Variants in CTNNA2 observed in about 807,000 individuals in gnomAD.
CTNNA2 encodes the protein catenin alpha-2.
Under a neutral mutation model 101.0 loss-of-function variants are expected in CTNNA2, and 42 were observed. That is an observed-to-expected ratio of 0.42 (90% CI 0.32 to 0.54). The LOEUF is 0.54. Ranked by LOEUF, CTNNA2 falls within the 20% of genes least tolerant of loss-of-function variation. CTNNA2 has a pLI of 0.14. For synonymous variants in CTNNA2, 450 were observed against 456.4 expected, an observed-to-expected ratio of 0.99 and a Z score of 0.18; for missense variants, 871 against 1,223.1, an observed-to-expected ratio of 0.71 and a Z score of 4.29.
chr2:80,015,584 C>T (rs6753423), intron 7 of CTNNA2, among the ~76,000 whole-genome samples: 85,085 of 151,960 alleles, frequency 0.56, 26,099 homozygotes, highest in East Asian at 0.72. Flanking sequence ...GGATACGGGA[C>T]GTGGAATGGG....
chr2:80,468,471 A>G lies in CTNNA2; in HGVS notation c.1290+48870A>G, dbSNP rs1002128547. 2.0e-5 allele frequency among the ~76,000 whole-genome samples: 3 copies of G among 151,942 alleles called. No individual in the cohort carries two copies. In the East Asian group the frequency reaches 5.8e-4, roughly 29 times the overall value. Reference sequence around the variant, plus strand: ...CCTGGCTCTGTCACCCAGGCTAGAGAGCAGTGGTGCAATCTCGGCTCACTG... The same window carrying G: ...CCTGGCTCTGTCACCCAGGCTAGAGGGCAGTGGTGCAATCTCGGCTCACTG... On this transcript the variant is annotated intron_variant, in intron 9 of 18. Transcript: ENST00000402739.
chr2:80,496,990 A>C (rs553975845), intron 9 of CTNNA2, among the ~76,000 whole-genome samples: 1 of 152,286 alleles, frequency 6.6e-6, no homozygotes, highest in South Asian at 2.1e-4. Flanking sequence ...GAGAAGCATG[A>C]ACGAAGCGCC....
At chr2:80,315,031 G>GA (rs2149235716) in intron 7 of CTNNA2, among the ~76,000 whole-genome samples, 1 of 152,210 alleles carries the variant, frequency 6.6e-6, no homozygotes, top group East Asian at 1.9e-4. Flanking sequence ...TAAAACAAAG[G>GA]AAAAATGAGT....
Position 79,333,133 on chromosome 2 carries a change from T to A in CTNNA2, c.-318+20337T>A, listed in dbSNP as rs370455111. On this transcript the variant is annotated intron_variant, in intron 3 of 21. Coordinates refer to the CTNNA2 transcript ENST00000466387. ...GAATCATCAGAAATGTAAGTTGTTA[T>A]ACAGGGAGCAAACATTTAGAAATGA... Among the ~76,000 whole-genome samples the A allele has an allele frequency of 2.6e-5, 4 of 152,296 alleles. No homozygotes were observed. In the East Asian group the frequency reaches 7.7e-4, roughly 29 times the overall value.
chr2:79,238,868 A>G (rs147995265), intron 2 of CTNNA2, among the ~76,000 whole-genome samples: 4 of 152,340 alleles, frequency 2.6e-5, no homozygotes, highest in East Asian at 3.9e-4. Flanking sequence ...ATTTTTCACT[A>G]TGTACACTGC....
At chr2:79,525,898 G>A (rs1367758258) in intron 1 of CTNNA2, among the ~76,000 whole-genome samples, 1 of 151,870 alleles carries the variant, frequency 6.6e-6, no homozygotes, top group East Asian at 1.9e-4. Context: ...ACAACATATA[G>A]CTATTTTCTG....
At chr2:79,471,416 C>T (rs1356976743) in intron 4 of CTNNA2, among the ~76,000 whole-genome samples, 1 of 152,142 alleles carries the variant, frequency 6.6e-6, no homozygotes, top group Non-Finnish European at 1.5e-5. Flanking sequence ...GCCAACTTCT[C>T]CTTATATCCT....
chr2:79,771,157 A>G (rs529803825), intron 3 of CTNNA2, among the ~76,000 whole-genome samples: 4 of 152,178 alleles, frequency 2.6e-5, no homozygotes, highest in Non-Finnish European at 5.9e-5. Context: ...TACTTATTTT[A>G]AAACTTGATA....
At position 79,945,912 on chromosome 2, in the gene CTNNA2, C is replaced by A. The variant is rs1688461137; in HGVS notation, c.1056+36115C>A. On this transcript the variant is annotated intron_variant, in intron 7 of 18. Coordinates refer to ENST00000402739, the MANE Select transcript of CTNNA2 (RefSeq NM_001282597.3). ...ATGCTTGCTAAGACAGAGCTGCACA[C>A]ACGGTGCTATGGGAGCAGAAAACAT... 3.3e-5 allele frequency among the ~76,000 whole-genome samples: 5 copies of A among 152,204 alleles called. No individual in the cohort carries two copies. The South Asian group carries it at 1.0e-3, about 32-fold the overall frequency.
rs140239016 is a variant in CTNNA2, at chr2:79,552,915, A to C, written c.-6+39708A>C. ...GAGGGGCTGCCACAAAAGTCTTTGA[A>C]ATTCCTTCAAGGACTTTTCCCCATT... is the stretch of plus-strand genomic sequence containing the variant. On this transcript the variant is annotated intron_variant, in intron 1 of 18. Coordinates refer to ENST00000402739, the MANE Select transcript of CTNNA2 (RefSeq NM_001282597.3). 5.9e-3 allele frequency among the ~76,000 whole-genome samples: 899 copies of C among 152,318 alleles called. 10 individuals are homozygous for C. Among genetic ancestry groups the C allele is most frequent in the African/African-American group, 0.02 (843 of 41,590 alleles).
At chr2:79,775,466 T>A (rs2105168284) in intron 3 of CTNNA2, among the ~76,000 whole-genome samples, 1 of 152,322 alleles carries the variant, frequency 6.6e-6, no homozygotes, top group South Asian at 2.1e-4. Flanking sequence ...TAAAGCATTT[T>A]TTAAAATGTA....
At chr2:80,627,059 G>A (rs1393660518) in intron 18 of CTNNA2, among the ~76,000 whole-genome samples, 1 of 152,088 alleles carries the variant, frequency 6.6e-6, no homozygotes, top group East Asian at 1.9e-4. Context: ...TTTGTTTATG[G>A]CTGCATAGTA....
At chr2:79,401,428 G>A (rs758028962) in intron 4 of CTNNA2, among the ~76,000 whole-genome samples, 4 of 151,594 alleles carry the variant, frequency 2.6e-5, no homozygotes, top group Non-Finnish European at 5.9e-5. Flanking sequence ...GGCTTATAAT[G>A]CATAAAGATG....
At chr2:79,924,430 G>C (rs540278775) in intron 7 of CTNNA2, among the ~76,000 whole-genome samples, 3 of 152,188 alleles carry the variant, frequency 2.0e-5, no homozygotes, top group African/African-American at 7.2e-5. Flanking sequence ...GTTTGCTTCT[G>C]TTGTCTTTGT....
chr2:79,585,935 C>T (rs1270269874), intron 1 of CTNNA2, among the ~76,000 whole-genome samples: 2 of 152,108 alleles, frequency 1.3e-5, no homozygotes, highest in Admixed American at 6.6e-5. Flanking sequence ...GTCACAACCA[C>T]GCTTGGAGAA....
intron 4 of CTNNA2, among the ~76,000 whole-genome samples, chr2:79,476,821 A>G (rs1260156743): frequency 2.0e-5 from 3 of 152,226 alleles, no homozygotes; most frequent in Non-Finnish European, 4.4e-5. Flanking sequence ...TTCAGGTCCC[A>G]TGGGTACACT....
At chr2:79,835,051 A>C (rs540102452) in intron 3 of CTNNA2, among the ~76,000 whole-genome samples, 1 of 152,228 alleles carries the variant, frequency 6.6e-6, no homozygotes, top group Non-Finnish European at 1.5e-5. Flanking sequence ...TGATTTAGTT[A>C]CCATAGCTTA....
chr2:79,563,722 C>T (rs1674935991), intron 1 of CTNNA2, among the ~76,000 whole-genome samples: 1 of 152,138 alleles, frequency 6.6e-6, no homozygotes, highest in African/African-American at 2.4e-5. Context: ...GAATTGCATA[C>T]TGTTCTTTAA....
At chr2:79,592,625 C>T (rs1676937591) in intron 1 of CTNNA2, among the ~76,000 whole-genome samples, 1 of 152,110 alleles carries the variant, frequency 6.6e-6, no homozygotes, top group Non-Finnish European at 1.5e-5. Context: ...AAACTCTTGC[C>T]TTTGTGAGTA....
Sources: gnomAD v4.1 joint callset for allele counts (sites outside exome capture counted in the v4.1 genomes callset) on GRCh38, gnomAD v4.1.1 for gene constraint, MANE v1.5 for transcripts, NCBI Gene and HGNC (gene_info 2026-07-23, HGNC 2026-07-21) for gene names.